BRWD1: variants seen among roughly 807,000 people sequenced by gnomAD.
The protein encoded by BRWD1 is bromodomain and WD repeat domain containing 1.
Under a neutral mutation model 251.2 loss-of-function variants are expected in BRWD1, and 82 were observed. That is an observed-to-expected ratio of 0.33 (90% CI 0.27 to 0.39). The LOEUF (loss-of-function observed/expected upper bound fraction) is 0.39, where lower values mean the gene tolerates loss of function less well. BRWD1 is among the 10% of genes least tolerant of loss of function. The pLI, the probability that BRWD1 is intolerant of heterozygous loss-of-function variation, is 1.00. For synonymous variants in BRWD1, 918 were observed against 902.8 expected, an observed-to-expected ratio of 1.02 and a Z score of -0.30; for missense variants, 2,233 against 2,711.6, an observed-to-expected ratio of 0.82 and a Z score of 3.92.
chr21:39,241,542 G>A (rs141500326), intron 21 of BRWD1, among the ~76,000 whole-genome samples: 138 of 131,990 alleles, frequency 1.0e-3, no homozygotes, highest in African/African-American at 3.5e-3. Flanking sequence ...TAAATAACAG[G>A]AGCCAGGTTT....
At chr21:39,315,883 A>C (rs1158327782), upstream of BRWD1, 2 of 152,098 alleles carry the variant, frequency 1.3e-5, no homozygotes, top group Non-Finnish European at 2.9e-5. Flanking sequence ...TGCGTGGGGG[A>C]AATGTTAGGG....
rs549734415 is a variant in BRWD1, at chr21:39,239,403, T to A, written c.2482-830A>T. 3.9e-5 allele frequency among the ~76,000 whole-genome samples: 6 copies of A among 152,304 alleles called. No individual in the cohort carries two copies. In the East Asian group the frequency reaches 1.2e-3, roughly 29 times the overall value. On this transcript the variant is annotated intron_variant, in intron 21 of 40. Coordinates refer to ENST00000342449, the MANE Select transcript of BRWD1 (RefSeq NM_033656.4). ...CTAGGATTTATTTTGTATGTGAATG[T>A]CCAGTTATTCTACCACTGGCTGAAA...
chr21:39,188,815 T>A lies in BRWD1; in HGVS notation c.*7444A>T. ...CATCAGTTCCTTTTGCCAACTAACT[T>A]ATGTGATTCACATGTTTTTCCAGTG... On this transcript the variant is annotated 3_prime_UTR_variant, in exon 41 of 41. Transcript: ENST00000342449. 1 of 985,438 alleles carries A rather than the reference T, an allele frequency of 1.0e-6. No individual in the cohort carries two copies. Among genetic ancestry groups the A allele is most frequent in the Non-Finnish European group, 1.2e-6 (1 of 829,918 alleles). The allele number at this position is 985,438 out of a possible 1,614,324, so 61.0% of individuals were successfully genotyped here.
Position 39,200,368 on chromosome 21 carries a change from G to T in BRWD1, c.4604C>A (p.Ser1535Tyr). 6.2e-7 allele frequency: 1 copy of T among 1,611,880 alleles called. No homozygotes were observed. The highest frequency in any genetic ancestry group is 1.7e-4 in the Middle Eastern group (1 of 6,054). ...STLSESEVEDSLATSLSSSAS... is the reference protein window; with the variant it reads ...STLSESEVEDYLATSLSSSAS... ...TGACGATGACAAAGAGGTAGCTAAA[G>T]AATCTTCCACTTCACTTTCTAGGAA... The change falls in exon 39 of 41, where the codon TCT becomes TAT. Residue 1535 changes from serine (S) to tyrosine (Y), a missense_variant. Ser to Tyr is a moderately radical substitution (Grantham distance 144). Coordinates refer to ENST00000342449, the MANE Select transcript of BRWD1 (RefSeq NM_033656.4).
At chr21:39,310,971 TG>T (rs1430597199) in intron 4 of BRWD1, among the ~76,000 whole-genome samples, 1 of 152,002 alleles carries the variant, frequency 6.6e-6, no homozygotes, top group Non-Finnish European at 1.5e-5. Flanking sequence ...CACTCAGTCC[TG>T]GGGGACTGGA....
chr21:39,217,036 A>ATAT (rs2032946213), intron 31 of BRWD1: 1 of 20,424 alleles, frequency 4.9e-5, no homozygotes, highest in Non-Finnish European at 9.6e-5. Flanking sequence ...TATATATATA[A>ATAT]ATATATATAT....
chr21:39,245,299 T>C (rs1048510557), intron 21 of BRWD1, among the ~76,000 whole-genome samples: 1 of 152,192 alleles, frequency 6.6e-6, no homozygotes, highest in Non-Finnish European at 1.5e-5. Flanking sequence ...GCTAACATTA[T>C]TGTGTATTAG....
Position 39,186,849 on chromosome 21 carries a change from C to A in BRWD1, c.*9410G>T. ...CAATTTATTTCCTCCTCAGAATTCC[C>A]CAGAGCACATGTCTGTACAAGAGCT... On this transcript the variant is annotated 3_prime_UTR_variant, in exon 41 of 41. Transcript: ENST00000342449. 1 of 1,069,478 alleles carries A rather than the reference C, an allele frequency of 9.4e-7. No homozygotes were observed. Among genetic ancestry groups the A allele is most frequent in the Non-Finnish European group, 1.2e-6 (1 of 801,070 alleles). The allele number at this position is 1,069,478 out of a possible 1,614,324, so 66.2% of individuals were successfully genotyped here.
chr21:39,303,445 G>A (rs529942193), intron 4 of BRWD1, among the ~76,000 whole-genome samples: 19 of 147,848 alleles, frequency 1.3e-4, no homozygotes, highest in Admixed American at 1.1e-3. Flanking sequence ...CTTGAGCCCA[G>A]GAGGCAGAGG....
upstream of BRWD1, among the ~76,000 whole-genome samples, chr21:39,316,645 A>G (rs2036701598): frequency 6.6e-6 from 1 of 152,248 alleles, no homozygotes; most frequent in Non-Finnish European, 1.5e-5. Flanking sequence ...GAGATCAGAA[A>G]TGATGACACG....
At chr21:39,250,965 T>C (rs2034375108) in intron 19 of BRWD1, 76 bp from the exon 20 acceptor site, 1 of 825,484 alleles carries the variant, frequency 1.2e-6, no homozygotes, top group Non-Finnish European at 1.9e-6. Context: ...TAAAAACCAG[T>C]GTGATTCTAT....
At chr21:39,315,556 C>A (rs1005611348), upstream of BRWD1, among the ~76,000 whole-genome samples, 1 of 152,026 alleles carries the variant, frequency 6.6e-6, no homozygotes, top group Admixed American at 6.6e-5. Flanking sequence ...ATCGCTTGAA[C>A]CCCGGAGGCG....
chr21:39,255,580 G>A lies in BRWD1; in HGVS notation c.2255+65C>T, dbSNP rs920758496. Reference sequence around the variant, plus strand: ...ACACAATTAATGGAATACAGAATGTGTAAATAACCATATAAATATATTTTC... The same window carrying A: ...ACACAATTAATGGAATACAGAATGTATAAATAACCATATAAATATATTTTC... On this transcript the variant is annotated intron_variant, in intron 19 of 40. Coordinates refer to ENST00000342449, the MANE Select transcript of BRWD1 (RefSeq NM_033656.4). The A allele has an allele frequency of 3.7e-6, 5 of 1,357,030 alleles. No homozygotes were observed. The African/African-American group carries it at 7.3e-5, about 20-fold the overall frequency. The allele number at this position is 1,357,030 out of a possible 1,614,324, so 84.1% of individuals were successfully genotyped here.
intron 32 of BRWD1, 65 bp from the exon 33 acceptor site, chr21:39,213,618 T>C: frequency 9.1e-7 from 1 of 1,094,210 alleles, no homozygotes; most frequent in Non-Finnish European, 1.4e-6. Context: ...GGATTCAAAT[T>C]ATACATTAAA....
At chr21:39,274,614 T>C in intron 12 of BRWD1, 142 bp from the exon 13 acceptor site, 1 of 715,098 alleles carries the variant, frequency 1.4e-6, no homozygotes, top group South Asian at 1.8e-5. Flanking sequence ...AAAGACAAGG[T>C]ATTTAGAGCG....
chr21:39,215,505 C>A, intron 31 of BRWD1, 143 bp from the exon 32 acceptor site: 1 of 697,356 alleles, frequency 1.4e-6, no homozygotes, highest in Non-Finnish European at 2.3e-6. Flanking sequence ...TTCTAATGCT[C>A]TCAACTTGAT....
intron 13 of BRWD1, 105 bp downstream of exon 13, chr21:39,274,269 C>G: frequency 1.2e-6 from 1 of 864,936 alleles, no homozygotes; most frequent in Non-Finnish European, 1.9e-6. Flanking sequence ...AGCTATAATC[C>G]CCTCAACAAA....
At chr21:39,247,386 C>A (rs1232378695) in intron 21 of BRWD1, among the ~76,000 whole-genome samples, 4 of 152,098 alleles carry the variant, frequency 2.6e-5, no homozygotes, top group Non-Finnish European at 5.9e-5. Context: ...GTTGAGCATG[C>A]CAAATCCAAA....
chr21:39,318,322 A>T (rs1347636565), upstream of BRWD1, among the ~76,000 whole-genome samples: 1 of 152,166 alleles, frequency 6.6e-6, no homozygotes, highest in African/African-American at 2.4e-5. Context: ...GAAAAATGAG[A>T]TAAGGAAATC....
Sources: allele counts gnomAD v4.1 joint callset (sites outside exome capture counted in the v4.1 genomes callset), GRCh38; gene constraint gnomAD v4.1.1; transcripts MANE v1.5; gene names NCBI Gene and HGNC (gene_info 2026-07-23, HGNC 2026-07-21).